The following RASGRF1 variants were observed in gnomAD, a reference collection of about 807,000 sequenced individuals.
RASGRF1 encodes Ras protein specific guanine nucleotide releasing factor 1.
A neutral mutation model predicts 138.7 loss-of-function variants in RASGRF1; 40 were observed. The observed-to-expected ratio is 0.29, with a 90% confidence interval of 0.22 to 0.38. The LOEUF (loss-of-function observed/expected upper bound fraction) is 0.38. Ranked by LOEUF, RASGRF1 falls within the 10% of genes least tolerant of loss-of-function variation. RASGRF1 has a pLI of 1.00. For synonymous variants in RASGRF1, 614 were observed against 663.2 expected, an observed-to-expected ratio of 0.93 and a Z score of 1.14; for missense variants, 1,108 against 1,650.4, an observed-to-expected ratio of 0.67 and a Z score of 5.69.
intron 26 of RASGRF1, among the ~76,000 whole-genome samples, chr15:78,968,535 A>C (rs1047094892): frequency 1.1e-4 from 17 of 152,056 alleles, no homozygotes; most frequent in Non-Finnish European, 7.4e-5. Flanking sequence ...CTCCTACCTC[A>C]GTCTCCTGAA....
chr15:78,971,632 T>A (rs907137771), intron 26 of RASGRF1, among the ~76,000 whole-genome samples: 1 of 152,174 alleles, frequency 6.6e-6, no homozygotes, highest in Non-Finnish European at 1.5e-5. Context: ...AGATTAGACA[T>A]GAATATAAAC....
chr15:79,059,392 C>CCCAAT (rs2057563942), intron 2 of RASGRF1, among the ~76,000 whole-genome samples: 2 of 122,326 alleles, frequency 1.6e-5, no homozygotes, highest in East Asian at 2.8e-4. Context: ...CCCTTCCCTT[C>CCCAAT]CCTTCCCTTC....
Position 79,006,797 on chromosome 15 carries a change from A to AGAT in RASGRF1, c.1827-364_1827-363insATC. Among the ~76,000 whole-genome samples, 3 of 152,190 alleles carry AGAT rather than the reference A, an allele frequency of 2.0e-5. No homozygotes were observed. The highest frequency in any genetic ancestry group is 4.4e-5 in the Non-Finnish European group (3 of 68,032). Reference sequence around the variant, plus strand: ...GAGGCTGAGGTGGGAGGATCACTTGAGGTCAGGAGCTCAAGACCAGCCTGG... The same window carrying AGAT: ...GAGGCTGAGGTGGGAGGATCACTTGAGATGGTCAGGAGCTCAAGACCAGCCTGG... On this transcript the variant is annotated intron_variant, in intron 13 of 26. Coordinates refer to ENST00000558480, the MANE Select transcript of RASGRF1 (RefSeq NM_001145648.3). The surrounding 1 kb of genome is among the most constrained non-coding windows in gnomAD (Gnocchi z 4.0).
chr15:79,090,685 C>A lies in RASGRF1; in HGVS notation c.-187G>T, dbSNP rs567537663. On this transcript the variant is annotated 5_prime_UTR_variant, in exon 1 of 27. Transcript: ENST00000558480. ...CCGCGGCTTCTTGAATCCAGATATA[C>A]CATTCCCCGCTGGAACCTCTTCTCC... 16 of 770,140 alleles carry A rather than the reference C, an allele frequency of 2.1e-5. No individual in the cohort carries two copies. The South Asian group carries it at 3.1e-4, about 15-fold the overall frequency. The allele number at this position is 770,140 out of a possible 1,614,324, so 47.7% of individuals were successfully genotyped here.
rs768700693 is a variant in RASGRF1 at position 79,031,428 on chromosome 15, C to T, written c.1234G>A (p.Ala412Thr). 5.0e-6 allele frequency: 8 copies of T among 1,611,540 alleles called. No homozygotes were observed. The Admixed American group carries it at 5.0e-5, about 10-fold the overall frequency. The change falls in exon 8 of 27, where the codon GCC (alanine) becomes ACC (threonine). Residue 412 changes from alanine to threonine, a missense_variant. By Grantham distance (58) the Ala-to-Thr change is moderately conservative. Transcript: ENST00000558480. Reference protein sequence around the residue: ...EHVERNSLDYAKSKLEELSRI... With the variant: ...EHVERNSLDYTKSKLEELSRI... ...GACAGCTCCTCCAGTTTGGACTTGG[C>T]GTAGTCCAGGCTGTTGCGCTCAACG...
intron 5 of RASGRF1, among the ~76,000 whole-genome samples, chr15:79,040,256 C>G (rs1012698933): frequency 2.0e-5 from 3 of 152,200 alleles, no homozygotes; most frequent in African/African-American, 7.2e-5. Flanking sequence ...ATCCCTATAT[C>G]TACTCCATCA....
chr15:78,989,748 T>C (rs918838884), intron 22 of RASGRF1, among the ~76,000 whole-genome samples: 1 of 152,162 alleles, frequency 6.6e-6, no homozygotes, highest in Non-Finnish European at 1.5e-5. Context: ...CAGCCAAATA[T>C]TGCTTGTTGC....
intron 15 of RASGRF1, among the ~76,000 whole-genome samples, 180 bp from the exon 16 acceptor site, chr15:79,001,967 G>A (rs2056539094): frequency 6.6e-6 from 1 of 152,168 alleles, no homozygotes; most frequent in South Asian, 2.1e-4. Context: ...CCTTTCTCTT[G>A]CTAATGAGCA....
At chr15:79,071,428 C>G (rs1344359893) in intron 1 of RASGRF1, among the ~76,000 whole-genome samples, 1 of 150,982 alleles carries the variant, frequency 6.6e-6, no homozygotes, top group African/African-American at 2.4e-5. Flanking sequence ...GGCACAGTCT[C>G]TGCTCATTGC....
chr15:79,053,651 G>T (rs756094088), intron 3 of RASGRF1, among the ~76,000 whole-genome samples: 2 of 152,208 alleles, frequency 1.3e-5, no homozygotes, highest in Non-Finnish European at 2.9e-5. Context: ...GCAGTGGATT[G>T]ATTGTTTTAC....
intron 24 of RASGRF1, among the ~76,000 whole-genome samples, chr15:78,978,220 G>GTTTTTTTTTTTTTTTTTTT (rs71148584): frequency 1.6e-5 from 2 of 125,098 alleles, no homozygotes; most frequent in African/African-American, 8.1e-5. Flanking sequence ...CTTTTCTTTT[G>GTTTTTTTTTTTTTTTTTTT]TTTTTTTTTT....
chr15:78,969,468 A>AGACCAGCCTGACCAACGTGG (rs1456007552), intron 26 of RASGRF1, among the ~76,000 whole-genome samples: 1 of 152,162 alleles, frequency 6.6e-6, no homozygotes, highest in East Asian at 1.9e-4. Context: ...CAGGAGTTTG[A>AGACCAGCCTGACCAACGTGG]GACCAGCCTG....
At chr15:78,989,013 T>C (rs1278459245) in intron 22 of RASGRF1, among the ~76,000 whole-genome samples, 1 of 152,010 alleles carries the variant, frequency 6.6e-6, no homozygotes, top group Non-Finnish European at 1.5e-5. Flanking sequence ...GAGCTTTCAA[T>C]GAGATTACTA....
rs2055715350 is a variant in RASGRF1 at position 78,969,814 on chromosome 15, T to C, written c.3681+2052A>G. On this transcript the variant is annotated intron_variant, in intron 26 of 26. Transcript: ENST00000558480. ...ATTATATTTTTTGCCTCTTAGTCTA[T>C]TTCCCTCTAGAACACAAGCTCGTGA... Among the ~76,000 whole-genome samples, 4 of 152,338 alleles carry C rather than the reference T, an allele frequency of 2.6e-5. No homozygotes were observed. The South Asian group carries it at 8.3e-4, about 32-fold the overall frequency.
intron 1 of RASGRF1, among the ~76,000 whole-genome samples, chr15:79,071,364 CT>C (rs71451741): frequency 1.7e-3 from 246 of 141,824 alleles, no homozygotes; most frequent in Middle Eastern, 3.6e-3. Flanking sequence ...TTTCTTTTTT[CT>C]TTTTTTTTTT....
chr15:78,974,306 C>T (rs548205806), intron 24 of RASGRF1, among the ~76,000 whole-genome samples: 7 of 152,318 alleles, frequency 4.6e-5, no homozygotes, highest in South Asian at 2.1e-4. Flanking sequence ...CACACAGATG[C>T]GGTGGCATCA....
At chr15:79,075,162 A>G (rs1407619426) in intron 1 of RASGRF1, among the ~76,000 whole-genome samples, 1 of 152,198 alleles carries the variant, frequency 6.6e-6, no homozygotes, top group Non-Finnish European at 1.5e-5. Flanking sequence ...AGAACAACTC[A>G]CTAGTCTAGA....
intron 5 of RASGRF1, among the ~76,000 whole-genome samples, chr15:79,041,940 C>A (rs2057302620): frequency 6.6e-6 from 1 of 152,204 alleles, no homozygotes; most frequent in South Asian, 2.1e-4. Flanking sequence ...GCCAATCAGT[C>A]AGCGCAGGAA....
chr15:78,982,119 T>C (rs1246255560), intron 23 of RASGRF1, among the ~76,000 whole-genome samples: 1 of 152,176 alleles, frequency 6.6e-6, no homozygotes, highest in African/African-American at 2.4e-5. Context: ...TGGGCCTCAG[T>C]GTCCCCATCT....
Sources: allele counts gnomAD v4.1 joint callset (sites outside exome capture counted in the v4.1 genomes callset), GRCh38; gene constraint gnomAD v4.1.1; non-coding constraint Gnocchi (gnomAD v3.1); transcripts MANE v1.5; gene names NCBI Gene and HGNC (gene_info 2026-07-23, HGNC 2026-07-21).